CNTN4: variants seen among roughly 807,000 people sequenced by gnomAD.
CNTN4 encodes contactin 4, also known as contactin-4.
A neutral mutation model predicts 122.5 loss-of-function variants in CNTN4; 77 were observed. The ratio of observed to expected loss-of-function variants is 0.63; its 90% CI spans 0.52 to 0.76. The LOEUF is 0.76. CNTN4 is among the 30% of genes least tolerant of loss of function. The pLI is 0.00. For synonymous variants in CNTN4, 512 were observed against 447.0 expected, an observed-to-expected ratio of 1.15 and a Z score of -1.83; for missense variants, 1,256 against 1,259.1, an observed-to-expected ratio of 1.00 and a Z score of 0.04.
At chr3:2,788,947 A>G (rs1340193862) in intron 6 of CNTN4, among the ~76,000 whole-genome samples, 1 of 152,212 alleles carries the variant, frequency 6.6e-6, no homozygotes, top group Non-Finnish European at 1.5e-5. Flanking sequence ...ACAAAAACAG[A>G]AAAAAAGTTC....
At chr3:2,137,640 T>C (rs979709508) in intron 2 of CNTN4, among the ~76,000 whole-genome samples, 2 of 152,152 alleles carry the variant, frequency 1.3e-5, no homozygotes, top group Non-Finnish European at 2.9e-5. Flanking sequence ...AAAGATTGCA[T>C]TTTGGGAGCT....
intron 2 of CNTN4, among the ~76,000 whole-genome samples, chr3:2,317,761 G>T (rs2043154586): frequency 6.6e-6 from 1 of 152,122 alleles, no homozygotes; most frequent in African/African-American, 2.4e-5. Flanking sequence ...TAGGAGACAG[G>T]AAACCAAACA....
Position 3,048,544 on chromosome 3 carries a change from G to GTA in CNTN4, c.2811+4842_2811+4843dup, listed in dbSNP as rs1365241299. On this transcript the variant is annotated intron_variant, in intron 23 of 24. Coordinates refer to ENST00000418658, the MANE Select transcript of CNTN4 (RefSeq NM_175607.3). ...TGTGTGTGTGTGTGTGTGTGTGTGTGTATTTGTGTGTGTGTATGTGTGGTA... is the reference window on the plus strand; with the variant it reads ...TGTGTGTGTGTGTGTGTGTGTGTGTGTATATTTGTGTGTGTGTATGTGTGGTA... 2.8e-5 allele frequency among the ~76,000 whole-genome samples: 4 copies of GTA among 141,626 alleles called. No individual in the cohort carries two copies. In the South Asian group the frequency reaches 9.0e-4, roughly 32 times the overall value. The allele number at this position is 141,626 out of a possible 152,430, so 92.9% of individuals were successfully genotyped here. A position where few individuals can be genotyped will look rare whatever the true frequency, so the allele number is the denominator to read the frequency against.
intron 2 of CNTN4, among the ~76,000 whole-genome samples, chr3:2,199,353 G>A (rs1317409208): frequency 6.6e-6 from 1 of 150,484 alleles, no homozygotes; most frequent in Non-Finnish European, 1.5e-5. Context: ...GTGTGTGTGT[G>A]TGACTCTCTT....
At chr3:2,326,877 C>T (rs1054808922) in intron 2 of CNTN4, among the ~76,000 whole-genome samples, 1 of 152,186 alleles carries the variant, frequency 6.6e-6, no homozygotes, top group African/African-American at 2.4e-5. Flanking sequence ...TTTGAGCCAG[C>T]CTTTTTCTAA....
chr3:2,380,218 A>G (rs758476045), intron 3 of CNTN4, among the ~76,000 whole-genome samples: 27 of 152,202 alleles, frequency 1.8e-4, no homozygotes, highest in Non-Finnish European at 3.1e-4. Context: ...ATGGGATGAG[A>G]ATTTTCCAAA....
chr3:2,552,874 G>A (rs1358376874), intron 3 of CNTN4, among the ~76,000 whole-genome samples: 2 of 152,164 alleles, frequency 1.3e-5, no homozygotes, highest in Non-Finnish European at 2.9e-5. Context: ...GATGGTCTAT[G>A]AGGAAGGTGA....
chr3:2,819,490 T>C lies in CNTN4; in HGVS notation c.363T>C (p.Leu121=), dbSNP rs757172793. The change falls in exon 7 of 25, where the codon CTT becomes CTC. Residue 121 remains leucine, a synonymous_variant. Coordinates refer to ENST00000418658, the MANE Select transcript of CNTN4 (RefSeq NM_175607.3). ...TTCCCATATTTCTCCCAACAGATCT[T>C]GACAACTTTAAAACAAGAACAAGAA... is the stretch of plus-strand genomic sequence containing the variant. ...SREAKLQFAY[L]DNFKTRTRST... 6.8e-6 allele frequency: 11 copies of C among 1,613,292 alleles called. 1 individual carries two copies. The highest frequency in any genetic ancestry group is 2.2e-5 in the South Asian group (2 of 91,064).
chr3:2,622,199 A>G (rs1418360613), intron 4 of CNTN4, among the ~76,000 whole-genome samples: 2 of 152,170 alleles, frequency 1.3e-5, no homozygotes, highest in East Asian at 3.9e-4. Context: ...GTAGGAGGAG[A>G]TTTAATATTT....
At chr3:2,545,254 A>G (rs1162973564) in intron 3 of CNTN4, among the ~76,000 whole-genome samples, 1 of 151,928 alleles carries the variant, frequency 6.6e-6, no homozygotes, top group Non-Finnish European at 1.5e-5. Context: ...AGTTTTTTGC[A>G]TTTGCCTGAG....
intron 8 of CNTN4, among the ~76,000 whole-genome samples, chr3:2,881,583 T>C (rs559426051): frequency 6.4e-4 from 96 of 150,712 alleles, no homozygotes; most frequent in African/African-American, 2.2e-3. Flanking sequence ...TCTTTGTGAT[T>C]GCACCTGTCC....
At chr3:2,705,886 TA>T (rs1478291537) in intron 4 of CNTN4, among the ~76,000 whole-genome samples, 1 of 75,202 alleles carries the variant, frequency 1.3e-5, no homozygotes, top group African/African-American at 5.1e-5. Flanking sequence ...ATTTTTTATA[TA>T]ATATATAAAA....
At chr3:2,779,656 A>T (rs191151029) in intron 6 of CNTN4, among the ~76,000 whole-genome samples, 1 of 152,324 alleles carries the variant, frequency 6.6e-6, no homozygotes, top group East Asian at 1.9e-4. Context: ...TAATTTCCTC[A>T]AAAGCTTAGT....
chr3:2,922,775 C>G (rs1302866720), intron 12 of CNTN4, among the ~76,000 whole-genome samples: 1 of 151,934 alleles, frequency 6.6e-6, no homozygotes, highest in Non-Finnish European at 1.5e-5. Context: ...CCACGCCCAG[C>G]TAATTTTGTA....
At chr3:2,309,830 C>A (rs975150098) in intron 2 of CNTN4, among the ~76,000 whole-genome samples, 2 of 152,176 alleles carry the variant, frequency 1.3e-5, no homozygotes, top group Non-Finnish European at 2.9e-5. Flanking sequence ...TTTGCCACCT[C>A]TGTTTTCCAC....
intron 3 of CNTN4, among the ~76,000 whole-genome samples, chr3:2,489,105 G>A (rs981576169): frequency 1.3e-5 from 2 of 151,946 alleles, no homozygotes; most frequent in Non-Finnish European, 2.9e-5. Flanking sequence ...TTCCACATTA[G>A]CATGTATTGA....
At chr3:2,205,968 A>G (rs1399437036) in intron 2 of CNTN4, among the ~76,000 whole-genome samples, 1 of 152,128 alleles carries the variant, frequency 6.6e-6, no homozygotes, top group Non-Finnish European at 1.5e-5. Context: ...CTTTGCATTT[A>G]AAGTAGGAAG....
In CNTN4 at chr3:2,214,246, C is replaced by T. The variant is rs1353798710; in HGVS notation, c.-145+113607C>T. Among the ~76,000 whole-genome samples, 4 of 152,248 alleles carry T rather than the reference C, an allele frequency of 2.6e-5. No individual in the cohort carries two copies. In the East Asian group the frequency reaches 5.8e-4, roughly 22 times the overall value. ...TGGTAGCTTAAGGGGATACACACTTCAATTGAAGTCTGAAGCCTGCATATT... is the reference window on the plus strand; with the variant it reads ...TGGTAGCTTAAGGGGATACACACTTTAATTGAAGTCTGAAGCCTGCATATT... On this transcript the variant is annotated intron_variant, in intron 2 of 24. Transcript: ENST00000418658.
At chr3:2,266,197 A>G (rs9811764) in intron 2 of CNTN4, among the ~76,000 whole-genome samples, 3,647 of 152,118 alleles carry the variant, frequency 0.024, 141 homozygotes, top group African/African-American at 0.083. Flanking sequence ...GTTAGCTGTG[A>G]GTTTGTCATA....
Sources: gnomAD v4.1 joint callset for allele counts (sites outside exome capture counted in the v4.1 genomes callset) on GRCh38, gnomAD v4.1.1 for gene constraint, MANE v1.5 for transcripts, NCBI Gene and HGNC (gene_info 2026-07-23, HGNC 2026-07-21) for gene names.